The following HPCAL1 variants were observed in gnomAD, a reference collection of about 807,000 sequenced individuals.
The protein encoded by HPCAL1 is hippocalcin-like protein 1.
In HPCAL1, 8 loss-of-function variants were observed where a neutral mutation model predicts 17.1. That is an observed-to-expected ratio of 0.47 (90% CI 0.27 to 0.84). The LOEUF is 0.84. HPCAL1 is among the 40% of genes least tolerant of loss of function. The pLI, the probability that HPCAL1 is intolerant of heterozygous loss-of-function variation, is 0.13. For missense variants in HPCAL1, 165 were observed against 271.1 expected (o/e 0.61, Z 2.75); for synonymous variants, 112 against 111.4 (o/e 1.01, Z -0.03).
At chr2:10,373,271 C>T (rs1667340971) in intron 1 of HPCAL1, among the ~76,000 whole-genome samples, 1 of 152,162 alleles carries the variant, frequency 6.6e-6, no homozygotes, top group African/African-American at 2.4e-5. Context: ...GGTAAGATCC[C>T]TTGCTTGGGA....
Position 10,344,615 on chromosome 2 carries a change from T to C in HPCAL1, c.-111+41438T>C, listed in dbSNP as rs539302147. Among the ~76,000 whole-genome samples, 27 of 152,350 alleles carry C rather than the reference T, an allele frequency of 1.8e-4. No individual in the cohort carries two copies. The highest frequency in any genetic ancestry group is 6.0e-4 in the African/African-American group (25 of 41,582). On this transcript the variant is annotated intron_variant, in intron 1 of 4. Coordinates refer to ENST00000307845, the MANE Select transcript of HPCAL1 (RefSeq NM_002149.4). The surrounding 1 kb of genome is among the most constrained non-coding windows in gnomAD (Gnocchi z 4.9). Reference sequence around the variant, plus strand: ...TATACCATCTGGCAGCTCAGAAATATTTTATAATCAAATGAGTAAGACGGG... The same window carrying C: ...TATACCATCTGGCAGCTCAGAAATACTTTATAATCAAATGAGTAAGACGGG...
In HPCAL1 at chr2:10,354,077, T is replaced by G. The variant is rs552457236; in HGVS notation, c.-110-42758T>G. 18 of 152,226 alleles carry G rather than the reference T, an allele frequency of 1.2e-4. No individual in the cohort carries two copies. The highest frequency in any genetic ancestry group is 3.2e-3 in the Middle Eastern group (1 of 316). The allele number at this position is 152,226 out of a possible 1,614,324, so 9.4% of individuals were successfully genotyped here. A position where few individuals can be genotyped will look rare whatever the true frequency, so the allele number is the denominator to read the frequency against. On this transcript the variant is annotated intron_variant, in intron 1 of 4. Transcript: ENST00000307845. The surrounding 1 kb of genome is among the most constrained non-coding windows in gnomAD (Gnocchi z 5.1). ...ATCTGTCATCTCCTCTGGGCTTGCA[T>G]TTCTCCAGTGACAAGGCGCTCACTC...
rs1000843937 is a variant in HPCAL1, at chr2:10,330,398, G to A, written c.-111+27221G>A. On this transcript the variant is annotated intron_variant, in intron 1 of 4. Coordinates refer to ENST00000307845, the MANE Select transcript of HPCAL1 (RefSeq NM_002149.4). The surrounding 1 kb of genome is among the most constrained non-coding windows in gnomAD (Gnocchi z 4.2). ...GCCCCTCCCCACCAAGCCCTGAGTCGTCTAACCTTCCCGGTGTATTAGTCA... is the reference window on the plus strand; with the variant it reads ...GCCCCTCCCCACCAAGCCCTGAGTCATCTAACCTTCCCGGTGTATTAGTCA... 6.6e-6 allele frequency among the ~76,000 whole-genome samples: 1 copy of A among 152,192 alleles called. No homozygotes were observed. The highest frequency in any genetic ancestry group is 1.9e-4 in the East Asian group (1 of 5,190).
intron 2 of HPCAL1, among the ~76,000 whole-genome samples, chr2:10,409,820 C>G (rs1043173400): frequency 8.0e-6 from 1 of 125,676 alleles, no homozygotes; most frequent in Non-Finnish European, 1.6e-5. Context: ...GACAGAGTCT[C>G]GCTCTGTTGC....
At chr2:10,420,187 G>T in intron 3 of HPCAL1, 52 bp downstream of exon 3, 3 of 1,113,716 alleles carry the variant, frequency 2.7e-6, no homozygotes, top group Non-Finnish European at 3.8e-6. Context: ...TCCCCTCCCA[G>T]CTCCCAGCCC....
In HPCAL1 at chr2:10,424,487, C is replaced by T. The variant is rs142701802; in HGVS notation, c.484+1399C>T. On this transcript the variant is annotated intron_variant, in intron 4 of 4. Coordinates refer to ENST00000307845, the MANE Select transcript of HPCAL1 (RefSeq NM_002149.4). Reference sequence around the variant, plus strand: ...GCCTTAAAGCTTTTAGCAGGGCTTGCACTCCACAAATAATGGCTGTTGTTC... The same window carrying T: ...GCCTTAAAGCTTTTAGCAGGGCTTGTACTCCACAAATAATGGCTGTTGTTC... The T allele has an allele frequency of 3.5e-4, 163 of 470,934 alleles. 1 individual carries two copies. The highest frequency in any genetic ancestry group is 5.8e-4 in the Non-Finnish European group (131 of 227,012). The allele number at this position is 470,934 out of a possible 1,614,324, so 29.2% of individuals were successfully genotyped here. A position where few individuals can be genotyped will look rare whatever the true frequency, so the allele number is the denominator to read the frequency against.
chr2:10,337,655 A>G (rs1270978152), intron 1 of HPCAL1, among the ~76,000 whole-genome samples: 3 of 152,070 alleles, frequency 2.0e-5, no homozygotes, highest in Non-Finnish European at 4.4e-5. Context: ...ACAGCTGGGG[A>G]TGAGGCGTAG....
intron 1 of HPCAL1, among the ~76,000 whole-genome samples, chr2:10,312,800 G>A (rs978984551): frequency 3.4e-5 from 5 of 146,886 alleles, no homozygotes; most frequent in Admixed American, 1.4e-4. Context: ...TGTCACCATC[G>A]TCACCATCAC....
intron 1 of HPCAL1, among the ~76,000 whole-genome samples, chr2:10,341,585 A>G (rs1665085361): frequency 6.6e-6 from 1 of 151,068 alleles, no homozygotes; most frequent in South Asian, 2.1e-4. Flanking sequence ...TTAAGCAGAA[A>G]CTCTCCCCTC....
At chr2:10,399,457 C>T (rs865899723) in intron 2 of HPCAL1, among the ~76,000 whole-genome samples, 34 of 83,218 alleles carry the variant, frequency 4.1e-4, no homozygotes, top group Non-Finnish European at 7.5e-4. Context: ...ATCACCACCA[C>T]CACCACCATC....
chr2:10,360,687 A>T (rs2125486990), intron 1 of HPCAL1, among the ~76,000 whole-genome samples: 1 of 152,282 alleles, frequency 6.6e-6, no homozygotes, highest in South Asian at 2.1e-4. Context: ...TGCTGGCTTG[A>T]GCCACCATGC....
At chr2:10,340,959 C>T (rs930184819) in intron 1 of HPCAL1, among the ~76,000 whole-genome samples, 2 of 152,140 alleles carry the variant, frequency 1.3e-5, no homozygotes, top group Non-Finnish European at 2.9e-5. Context: ...TTCCCTTCCT[C>T]ATAGAATATC....
intron 1 of HPCAL1, among the ~76,000 whole-genome samples, chr2:10,314,941 G>A (rs1327344405): frequency 2.0e-5 from 3 of 152,164 alleles, no homozygotes; most frequent in African/African-American, 7.2e-5. Context: ...GGTATAAAGA[G>A]ACTGAAAATC....
intron 1 of HPCAL1, among the ~76,000 whole-genome samples, chr2:10,341,975 G>T (rs1247730802): frequency 1.3e-5 from 2 of 151,918 alleles, no homozygotes; most frequent in Non-Finnish European, 2.9e-5. Flanking sequence ...GGGCAACATA[G>T]TGAGACTCTG....
rs36002921 is a variant in HPCAL1, at chr2:10,410,436, CTT to C, written c.-24-9274_-24-9273del. ...CCTTGTTCCTCTTTTTCTTCTTCTT[CTT>C]TTTTTTTTTTTTTTTTTTTTTTTAC... is the stretch of plus-strand genomic sequence containing the variant. On this transcript the variant is annotated intron_variant, in intron 2 of 4. Transcript: ENST00000307845. Among the ~76,000 whole-genome samples, 689 of 77,484 alleles carry C rather than the reference CTT, an allele frequency of 8.9e-3. 6 individuals are homozygous for C. Among genetic ancestry groups the C allele is most frequent in the African/African-American group, 0.033 (667 of 20,116 alleles). 50.8% of individuals were successfully genotyped at this position (77,484 alleles called of 152,430 possible).
In HPCAL1 at chr2:10,395,334, C is replaced by G. The variant is rs1668951792; in HGVS notation, c.-110-1501C>G. Among the ~76,000 whole-genome samples the G allele has an allele frequency of 6.6e-6, 1 of 152,146 alleles. No individual in the cohort carries two copies. Among genetic ancestry groups the G allele is most frequent in the South Asian group, 2.1e-4 (1 of 4,830 alleles). On this transcript the variant is annotated intron_variant, in intron 1 of 4. Coordinates refer to ENST00000307845, the MANE Select transcript of HPCAL1 (RefSeq NM_002149.4). This position sits in a 1 kb window ranked among gnomAD's most constrained non-coding sequence, Gnocchi z 4.4. Reference sequence around the variant, plus strand: ...GAGCAAGATACACCCTATTTCCAATCACACGTGATGCATCTCGGGGGCATT... The same window carrying G: ...GAGCAAGATACACCCTATTTCCAATGACACGTGATGCATCTCGGGGGCATT...
chr2:10,338,984 A>G (rs1172506884), intron 1 of HPCAL1, among the ~76,000 whole-genome samples: 1 of 152,138 alleles, frequency 6.6e-6, no homozygotes, highest in African/African-American at 2.4e-5. Context: ...GCCCTGTGGC[A>G]CTGAGGTGGC....
intron 1 of HPCAL1, among the ~76,000 whole-genome samples, chr2:10,329,933 G>A (rs1268123596): frequency 2.0e-5 from 3 of 152,264 alleles, no homozygotes; most frequent in African/African-American, 7.2e-5. Flanking sequence ...TGGGGATGCA[G>A]GCCGAGGCCA....
chr2:10,326,300 C>G (rs900690355), intron 1 of HPCAL1, among the ~76,000 whole-genome samples: 8 of 152,220 alleles, frequency 5.3e-5, no homozygotes, highest in Non-Finnish European at 1.0e-4. Flanking sequence ...GGGCTACAGG[C>G]AGATATTGCC....
Sources: allele counts gnomAD v4.1 joint callset (sites outside exome capture counted in the v4.1 genomes callset), GRCh38; gene constraint gnomAD v4.1.1; non-coding constraint Gnocchi (gnomAD v3.1); transcripts MANE v1.5; gene names NCBI Gene and HGNC (gene_info 2026-07-23, HGNC 2026-07-21).